Variants in APBB2 observed in about 807,000 individuals in gnomAD.
APBB2 encodes the protein Fe65-like 1.
Under a neutral mutation model 82.5 loss-of-function variants are expected in APBB2, and 38 were observed. That is an observed-to-expected ratio of 0.46 (90% confidence interval 0.36 to 0.60). APBB2 has a LOEUF of 0.60. APBB2 is among the 20% of genes least tolerant of loss of function. The pLI is 0.00. For synonymous variants in APBB2, 341 were observed against 368.2 expected (o/e 0.93, Z 0.85); for missense variants, 772 against 972.3 (o/e 0.79, Z 2.74).
intron 1 of APBB2, among the ~76,000 whole-genome samples, chr4:41,164,140 A>G: frequency 6.6e-6 from 1 of 152,342 alleles, no homozygotes; most frequent in South Asian, 2.1e-4. Context: ...TATAACTTAT[A>G]CACATAGCCT....
chr4:40,953,408 A>G (rs1253448589), intron 6 of APBB2, among the ~76,000 whole-genome samples: 1 of 152,072 alleles, frequency 6.6e-6, no homozygotes, highest in Non-Finnish European at 1.5e-5. Context: ...AACAATGGCT[A>G]CAAGGCTGAG....
At chr4:41,190,560 T>G (rs1774162863) in intron 1 of APBB2, among the ~76,000 whole-genome samples, 1 of 152,146 alleles carries the variant, frequency 6.6e-6, no homozygotes, top group South Asian at 2.1e-4. Flanking sequence ...ACAAAGGCTA[T>G]TTCTTAAAGT....
intron 1 of APBB2, among the ~76,000 whole-genome samples, chr4:41,205,820 T>C (rs567562361): frequency 6.0e-4 from 91 of 152,346 alleles, no homozygotes; most frequent in Non-Finnish European, 1.2e-3. Flanking sequence ...TAAGCACAAT[T>C]AGTATTCCTA....
chr4:40,875,483 T>A (rs537962569), intron 12 of APBB2, among the ~76,000 whole-genome samples: 3 of 152,352 alleles, frequency 2.0e-5, no homozygotes, highest in African/African-American at 7.2e-5. Context: ...TGAAATTAAT[T>A]TCAATATTTT....
At chr4:40,921,350 C>A (rs1453081142) in intron 10 of APBB2, among the ~76,000 whole-genome samples, 1 of 152,176 alleles carries the variant, frequency 6.6e-6, no homozygotes, top group Non-Finnish European at 1.5e-5. Flanking sequence ...TTTAGGTTCT[C>A]GGAATCCCAG....
At chr4:40,921,685 A>G (rs4861334) in intron 10 of APBB2, among the ~76,000 whole-genome samples, 22,156 of 152,250 alleles carry the variant, frequency 0.15, 2,081 homozygotes, top group Non-Finnish European at 0.21. Context: ...AAAACTAAGT[A>G]CTTTCTACAA....
chr4:41,045,508 A>G (rs1390368970), intron 4 of APBB2, among the ~76,000 whole-genome samples: 1 of 151,946 alleles, frequency 6.6e-6, no homozygotes, highest in Non-Finnish European at 1.5e-5. Flanking sequence ...TAGCCAGGAT[A>G]GCCTCAATCT....
chr4:40,978,014 T>C (rs1053136417), intron 6 of APBB2, among the ~76,000 whole-genome samples: 1 of 152,220 alleles, frequency 6.6e-6, no homozygotes, highest in African/African-American at 2.4e-5. Flanking sequence ...GTAAATATAA[T>C]AGAAATGTTC....
intron 10 of APBB2, among the ~76,000 whole-genome samples, chr4:40,914,420 C>T (rs1779346424): frequency 6.6e-6 from 1 of 152,080 alleles, no homozygotes; most frequent in Admixed American, 6.6e-5. Context: ...GGTGCAGTGG[C>T]TCACGCCTGT....
intron 6 of APBB2, among the ~76,000 whole-genome samples, chr4:41,003,883 T>C (rs527420761): frequency 7.9e-5 from 12 of 152,234 alleles, no homozygotes; most frequent in Admixed American, 5.2e-4. Context: ...CAGCTAATTT[T>C]TGTATTTTTA....
chr4:41,138,280 C>T (rs1436056593), intron 2 of APBB2: 11 of 152,014 alleles, frequency 7.2e-5, no homozygotes, highest in African/African-American at 2.2e-4. Context: ...AAAGAAAAAA[C>T]GAATAAACTG....
chr4:41,013,551 G>T, intron 6 of APBB2, 32 bp downstream of exon 6: 4 of 1,543,338 alleles, frequency 2.6e-6, no homozygotes, highest in Non-Finnish European at 2.6e-6. Flanking sequence ...AAAAAAAAGT[G>T]CCAGCTGAGG....
intron 4 of APBB2, among the ~76,000 whole-genome samples, chr4:41,050,022 G>T (rs555930306): frequency 4.6e-5 from 7 of 152,054 alleles, no homozygotes; most frequent in African/African-American, 7.2e-5. Context: ...CCAGAGACCT[G>T]TGTTCACTTG....
At chr4:40,951,831 CA>C (rs1790260306) in intron 6 of APBB2, among the ~76,000 whole-genome samples, 1 of 152,148 alleles carries the variant, frequency 6.6e-6, no homozygotes, top group African/African-American at 2.4e-5. Context: ...ACTAAAGTCA[CA>C]ATATAAGAAC....
At chr4:40,870,526 G>T (rs1765193922) in intron 12 of APBB2, among the ~76,000 whole-genome samples, 1 of 152,182 alleles carries the variant, frequency 6.6e-6, no homozygotes, top group African/African-American at 2.4e-5. Flanking sequence ...TTTCATTTAA[G>T]AAGTCATATA....
chr4:41,033,044 AAG>A (rs1333896875), intron 5 of APBB2, among the ~76,000 whole-genome samples, 190 bp downstream of exon 5: 1 of 151,834 alleles, frequency 6.6e-6, no homozygotes, highest in Non-Finnish European at 1.5e-5. Flanking sequence ...CGGCCTCCCA[AAG>A]TGCTGGGATT....
chr4:41,178,972 C>A (rs895056349), intron 1 of APBB2, among the ~76,000 whole-genome samples: 4 of 152,186 alleles, frequency 2.6e-5, no homozygotes, highest in African/African-American at 9.7e-5. Flanking sequence ...ACTTTTCATT[C>A]ATTAAACAAA....
At chr4:41,008,952 C>T (rs542863762) in intron 6 of APBB2, among the ~76,000 whole-genome samples, 1 of 152,322 alleles carries the variant, frequency 6.6e-6, no homozygotes, top group Non-Finnish European at 1.5e-5. Context: ...AGCAATGAAT[C>T]TGATTTTGAA....
intron 1 of APBB2, among the ~76,000 whole-genome samples, chr4:41,169,874 G>T (rs1767781711): frequency 6.6e-6 from 1 of 151,500 alleles, no homozygotes. Context: ...TTTTTAAGAA[G>T]ATAAGATCTA....
Sources: gnomAD v4.1 joint callset for allele counts (sites outside exome capture counted in the v4.1 genomes callset) on GRCh38, gnomAD v4.1.1 for gene constraint, MANE v1.5 for transcripts, NCBI Gene and HGNC (gene_info 2026-07-23, HGNC 2026-07-21) for gene names.